The following KIF3C variants were observed in gnomAD, a reference collection of about 807,000 sequenced individuals.
KIF3C encodes the protein kinesin family member 3C.
A neutral mutation model predicts 67.7 loss-of-function variants in KIF3C; 12 were observed. The observed-to-expected ratio is 0.18, with a 90% confidence interval of 0.11 to 0.29. KIF3C has a LOEUF of 0.29. Ranked by LOEUF, KIF3C falls within the 10% of genes least tolerant of loss-of-function variation. KIF3C has a pLI of 1.00. For missense variants in KIF3C, 789 were observed against 1,059.6 expected (o/e 0.74, Z 3.55); for synonymous variants, 393 against 426.2 (o/e 0.92, Z 0.96).
intron 1 of KIF3C, among the ~76,000 whole-genome samples, chr2:25,970,845 G>A (rs1405598657): frequency 6.6e-6 from 1 of 151,832 alleles, no homozygotes; most frequent in Admixed American, 6.6e-5. Flanking sequence ...GCTCAGCCCG[G>A]CAGGGCATGG....
chr2:25,978,858 A>T (rs1301895861), intron 1 of KIF3C, among the ~76,000 whole-genome samples: 1 of 151,964 alleles, frequency 6.6e-6, no homozygotes. Flanking sequence ...CCTGCCTCTA[A>T]TATCTTGCTT....
Position 25,955,478 on chromosome 2 carries a change from T to G in KIF3C, c.1770+63A>C. The G allele has an allele frequency of 1.9e-6, 3 of 1,583,748 alleles. No homozygotes were observed. Among genetic ancestry groups the G allele is most frequent in the Non-Finnish European group, 2.6e-6 (3 of 1,160,022 alleles). On this transcript the variant is annotated intron_variant, in intron 3 of 7. Transcript: ENST00000264712. The surrounding 1 kb of genome is among the most constrained non-coding windows in gnomAD (Gnocchi z 5.0). ...TGGGGAGGAGTCCCTGAAGCACACA[T>G]CCCTTGGGCAGAGACTGCTGGGCCT... is the stretch of plus-strand genomic sequence containing the variant.
Position 25,952,559 on chromosome 2 carries a change from A to T in KIF3C, c.1890-654T>A, listed in dbSNP as rs1018814962. On this transcript the variant is annotated intron_variant, in intron 4 of 7. Coordinates refer to ENST00000264712, the MANE Select transcript of KIF3C (RefSeq NM_002254.8). The stretch of plus-strand genomic sequence containing the variant: ...TGTGTGTGTGTGTGTGTATATATAT[A>T]TATATTTTTTTTTTTTTGAGACAGT... Among the ~76,000 whole-genome samples, 842 of 121,040 alleles carry T rather than the reference A, an allele frequency of 7.0e-3. 6 individuals carry two copies. Among genetic ancestry groups the T allele is most frequent in the African/African-American group, 0.025 (779 of 31,284 alleles). The allele number at this position is 121,040 out of a possible 152,430, so 79.4% of individuals were successfully genotyped here.
rs752355128 is a variant in KIF3C at position 25,951,815 on chromosome 2, C to T, written c.1980G>A (p.Lys660=). 1.2e-6 allele frequency: 2 copies of T among 1,613,604 alleles called. No individual in the cohort carries two copies. The highest frequency in any genetic ancestry group is 2.7e-5 in the African/African-American group (2 of 74,936). Residue 660 remains lysine (K), a synonymous_variant, in exon 5 of 8, where the codon AAG becomes AAA. Coordinates refer to ENST00000264712, the MANE Select transcript of KIF3C (RefSeq NM_002254.8). ...LFLDCEEEQW[K]FQPLVPAGVS... ...CGCCGGCTGGCACCAGTGGCTGGAA[C>T]TTCCACTGCTCCTCCTCACAGTCCA...
Position 25,981,229 on chromosome 2 carries a change from C to T in KIF3C, c.689G>A (p.Gly230Asp), listed in dbSNP as rs1664585490. 3.7e-6 allele frequency: 6 copies of T among 1,614,142 alleles called. No homozygotes were observed. Among genetic ancestry groups the T allele is most frequent in the Non-Finnish European group, 5.1e-6 (6 of 1,180,018 alleles). ...TCGGATGTGGTCCTGGCCATCAGAG[C>T]CACGTTCGCTGCACTCCACAGTGAT... ...FIITVECSER[G>D]SDGQDHIRVG... The change falls in exon 1 of 8, where the codon GGC becomes GAC. Residue 230 changes from glycine to aspartate, a missense_variant. Gly to Asp is a moderately conservative substitution (Grantham distance 94, BLOSUM62 -1). Transcript: ENST00000264712. The surrounding 1 kb of genome is among the most constrained non-coding windows in gnomAD (Gnocchi z 8.2).
intron 5 of KIF3C, among the ~76,000 whole-genome samples, chr2:25,934,943 A>T (rs970678464): frequency 4.9e-5 from 7 of 142,592 alleles, no homozygotes; most frequent in Admixed American, 2.1e-4. Flanking sequence ...GCTCTAATTT[A>T]AAAAAAAAAA....
At chr2:25,963,589 T>A (rs1351320649) in intron 1 of KIF3C, among the ~76,000 whole-genome samples, 1 of 151,780 alleles carries the variant, frequency 6.6e-6, no homozygotes, top group Non-Finnish European at 1.5e-5. Flanking sequence ...ATATTGTCAA[T>A]TATCATTCTA....
intron 1 of KIF3C, among the ~76,000 whole-genome samples, chr2:25,962,932 C>CATATAATATATAATATATAAT (rs1182257616): frequency 2.7e-5 from 1 of 36,566 alleles, no homozygotes; most frequent in Non-Finnish European, 4.6e-5. Context: ...ATATATAATA[C>CATATAATATATAATATATAAT]ATATAATATA....
At chr2:25,931,830 G>C (rs2090461453) in intron 5 of KIF3C, among the ~76,000 whole-genome samples, 1 of 151,444 alleles carries the variant, frequency 6.6e-6, no homozygotes, top group South Asian at 2.1e-4. Flanking sequence ...TAGAGGACAG[G>C]GTTTCACCAT....
At chr2:25,944,514 A>G (rs1238344618) in intron 5 of KIF3C, among the ~76,000 whole-genome samples, 1 of 151,702 alleles carries the variant, frequency 6.6e-6, no homozygotes, top group Non-Finnish European at 1.5e-5. Flanking sequence ...ATGCCTGGCT[A>G]ACTTTTTGTA....
Position 25,981,885 on chromosome 2 carries a change from G to A in KIF3C, c.33C>T (p.Leu11=). The A allele has an allele frequency of 6.3e-7, 1 of 1,578,498 alleles. No homozygotes were observed. Among genetic ancestry groups the A allele is most frequent in the South Asian group, 1.2e-5 (1 of 86,908 alleles). MASKTKASEA[L]KVVARCRPLS... is the part of the protein sequence containing the mutation. ...GGGGGCGGCACCGGGCCACCACCTT[G>A]AGGGCCTCGCTGGCCTTGGTCTTAC... The change falls in exon 1 of 8, where the codon CTC becomes CTT. Residue 11 remains leucine (L), a synonymous_variant. Transcript: ENST00000264712. This position sits in a 1 kb window ranked among gnomAD's most constrained non-coding sequence, Gnocchi z 8.2.
intron 5 of KIF3C, among the ~76,000 whole-genome samples, chr2:25,945,564 C>CAAAAAA (rs10581291): frequency 4.5e-5 from 3 of 67,388 alleles, no homozygotes; most frequent in Non-Finnish European, 8.9e-5. Flanking sequence ...GAGAATATCT[C>CAAAAAA]AAAAAAAAAA....
chr2:25,969,921 G>A (rs1356314140), intron 1 of KIF3C, among the ~76,000 whole-genome samples: 1 of 152,140 alleles, frequency 6.6e-6, no homozygotes, highest in African/African-American at 2.4e-5. Context: ...TCGCTATGTT[G>A]GCCAAGATAG....
At chr2:25,930,706 T>G (rs549358248) in intron 5 of KIF3C, among the ~76,000 whole-genome samples, 1 of 152,124 alleles carries the variant, frequency 6.6e-6, no homozygotes, top group East Asian at 1.9e-4. Flanking sequence ...CCTGGCTAAT[T>G]TTTTGTATTT....
chr2:25,981,770 C>G lies in KIF3C; in HGVS notation c.148G>C (p.Ala50Pro), dbSNP rs1440408812. The change falls in exon 1 of 8, where the codon GCC (alanine) becomes CCC (proline). Residue 50 changes from alanine to proline, a missense_variant. By Grantham distance (27) the Ala-to-Pro change is conservative. Coordinates refer to ENST00000264712, the MANE Select transcript of KIF3C (RefSeq NM_002254.8). The surrounding 1 kb of genome is among the most constrained non-coding windows in gnomAD (Gnocchi z 8.2). Reference protein sequence around the residue: ...GQVTLRNPRAAPGELPKTFTF... With the variant: ...GQVTLRNPRAPPGELPKTFTF... The stretch of plus-strand genomic sequence containing the variant: ...AAGGTCTTGGGCAGCTCCCCCGGGG[C>G]GGCGCGGGGGTTCCGCAGGGTCACC... 1 of 1,613,540 alleles carries G rather than the reference C, an allele frequency of 6.2e-7. No homozygotes were observed. Among genetic ancestry groups the G allele is most frequent in the Admixed American group, 1.7e-5 (1 of 59,996 alleles).
intron 1 of KIF3C, among the ~76,000 whole-genome samples, chr2:25,963,381 A>G (rs748843289): frequency 3.3e-4 from 48 of 147,072 alleles, no homozygotes; most frequent in Non-Finnish European, 6.3e-4. Context: ...TAATTTTTGT[A>G]TTTTATTGTA....
At chr2:25,932,090 C>T (rs1432451223) in intron 5 of KIF3C, among the ~76,000 whole-genome samples, 2 of 150,578 alleles carry the variant, frequency 1.3e-5, no homozygotes, top group African/African-American at 4.9e-5. Flanking sequence ...CAACTTCCGA[C>T]CCCCTGGTTC....
chr2:25,940,233 C>T (rs548626245), intron 5 of KIF3C, among the ~76,000 whole-genome samples: 10 of 152,228 alleles, frequency 6.6e-5, no homozygotes, highest in Non-Finnish European at 1.0e-4. Context: ...ATTGTTATCC[C>T]CACTTTACAG....
chr2:25,940,985 C>T (rs1302418232), intron 5 of KIF3C, among the ~76,000 whole-genome samples: 1 of 152,076 alleles, frequency 6.6e-6, no homozygotes, highest in Non-Finnish European at 1.5e-5. Flanking sequence ...AAAGTCTAGT[C>T]TCTCTCTACT....
Sources: allele counts gnomAD v4.1 joint callset (sites outside exome capture counted in the v4.1 genomes callset), GRCh38; gene constraint gnomAD v4.1.1; non-coding constraint Gnocchi (gnomAD v3.1); transcripts MANE v1.5; gene names NCBI Gene and HGNC (gene_info 2026-07-23, HGNC 2026-07-21).